The following RBFOX1 variants were observed in gnomAD, a reference collection of about 807,000 sequenced individuals.
The protein encoded by RBFOX1 is RNA binding fox-1 homolog 1, also known as RNA binding protein fox-1 homolog 1.
In RBFOX1, 8 loss-of-function variants were observed where a neutral mutation model predicts 57.7. That is an observed-to-expected ratio of 0.14 (90% confidence interval 0.08 to 0.25). The LOEUF is 0.25. Ranked by LOEUF, RBFOX1 falls within the 10% of genes least tolerant of loss-of-function variation. The pLI, the probability that RBFOX1 is intolerant of heterozygous loss-of-function variation, is 1.00. For missense variants in RBFOX1, 611 were observed against 548.5 expected (o/e 1.11, Z -1.14); for synonymous variants, 326 against 222.4 (o/e 1.47, Z -4.15).
chr16:7,694,103 A>G (rs2347418), intron 14 of RBFOX1, among the ~76,000 whole-genome samples: 148,776 of 152,306 alleles, frequency 0.98, 72,768 homozygotes, highest in East Asian at 1. Flanking sequence ...AGATAGGTGA[A>G]TGCCTTAACA....
intron 3 of RBFOX1, among the ~76,000 whole-genome samples, chr16:6,690,053 G>A (rs892748530): frequency 3.3e-5 from 5 of 152,036 alleles, no homozygotes; most frequent in African/African-American, 9.7e-5. Flanking sequence ...AAGAATCCTT[G>A]CTTTATTTAT....
At chr16:6,998,151 A>G (rs947657944) in intron 3 of RBFOX1, among the ~76,000 whole-genome samples, 14 of 152,252 alleles carry the variant, frequency 9.2e-5, no homozygotes, top group Middle Eastern at 6.8e-3. Flanking sequence ...TTATTTACTT[A>G]TTGAGTGTAA....
chr16:6,925,227 G>A lies in RBFOX1; in HGVS notation c.-15-126830G>A, dbSNP rs572215346. ...CAGCTCACTGAAGCCTCTGCCTCCC[G>A]GGCTCAAGCAATTGTCGTACCTCAG... On this transcript the variant is annotated intron_variant, in intron 3 of 15. Transcript: ENST00000550418. Among the ~76,000 whole-genome samples, 8 of 134,068 alleles carry A rather than the reference G, an allele frequency of 6.0e-5. No homozygotes were observed. The East Asian group carries it at 7.1e-4, about 12-fold the overall frequency. 88.0% of individuals were successfully genotyped at this position (134,068 alleles called of 152,430 possible). A position where few individuals can be genotyped will look rare whatever the true frequency, so the allele number is the denominator to read the frequency against.
intron 4 of RBFOX1, among the ~76,000 whole-genome samples, chr16:7,113,736 C>G (rs1168403559): frequency 1.3e-5 from 2 of 152,062 alleles, no homozygotes; most frequent in Admixed American, 1.3e-4. Context: ...GCATAATGTC[C>G]TATGTTATAG....
intron 13 of RBFOX1, among the ~76,000 whole-genome samples, chr16:7,671,834 T>G (rs537258527): frequency 1.3e-5 from 2 of 152,356 alleles, no homozygotes; most frequent in African/African-American, 4.8e-5. Context: ...ATGGGTGCTG[T>G]TTCCATGACT....
rs139815231 is a variant in RBFOX1, at chr16:5,528,850, A to T, written c.258+61596A>T. Among the ~76,000 whole-genome samples the T allele has an allele frequency of 3.8e-3, 573 of 152,162 alleles. 1 individual carries two copies. Among genetic ancestry groups the T allele is most frequent in the African/African-American group, 0.013 (544 of 41,494 alleles). On this transcript the variant is annotated intron_variant, in intron 2 of 2. Transcript: ENST00000585867. ...TTTTTAGTAAAGGTGAGGTTTCACC[A>T]TGTTGGTTAAGCTGGTCTTGAACTC...
chr16:6,175,285 AG>A (rs2096995880), intron 1 of RBFOX1, among the ~76,000 whole-genome samples: 1 of 152,218 alleles, frequency 6.6e-6, no homozygotes. Flanking sequence ...ATACGTCCCT[AG>A]GAACACATTG....
intron 4 of RBFOX1, among the ~76,000 whole-genome samples, chr16:7,138,977 T>C (rs2072833741): frequency 1.3e-5 from 2 of 152,122 alleles, no homozygotes; most frequent in African/African-American, 4.8e-5. Context: ...TTAATTTTTA[T>C]ATTTTTAGTA....
chr16:6,848,434 T>G (rs2093884281), intron 3 of RBFOX1, among the ~76,000 whole-genome samples: 1 of 152,210 alleles, frequency 6.6e-6, no homozygotes, highest in African/African-American at 2.4e-5. Flanking sequence ...ACACTTCTGT[T>G]GACCACACAT....
chr16:6,392,613 G>A (rs573419455), intron 2 of RBFOX1, among the ~76,000 whole-genome samples: 32 of 152,212 alleles, frequency 2.1e-4, no homozygotes, highest in African/African-American at 5.1e-4. Flanking sequence ...GCTCTCCTCC[G>A]CACACTGAGG....
intron 3 of RBFOX1, among the ~76,000 whole-genome samples, chr16:6,990,737 C>T (rs1047237732): frequency 6.6e-6 from 1 of 152,144 alleles, no homozygotes; most frequent in Non-Finnish European, 1.5e-5. Flanking sequence ...CTTAAGCTTA[C>T]TGGTCTTCCA....
At chr16:6,499,739 C>T (rs1238323977) in intron 2 of RBFOX1, among the ~76,000 whole-genome samples, 1 of 152,016 alleles carries the variant, frequency 6.6e-6, no homozygotes, top group South Asian at 2.1e-4. Flanking sequence ...TCTCGTAGGG[C>T]AAACTATAAT....
At chr16:7,515,022 C>G (rs1006928236) in intron 4 of RBFOX1, among the ~76,000 whole-genome samples, 1 of 152,096 alleles carries the variant, frequency 6.6e-6, no homozygotes, top group Non-Finnish European at 1.5e-5. Context: ...ACAAGTCTAC[C>G]TTTCACTTCA....
intron 3 of RBFOX1, among the ~76,000 whole-genome samples, chr16:6,915,071 G>C (rs2072773003): frequency 6.6e-6 from 1 of 152,202 alleles, no homozygotes; most frequent in African/African-American, 2.4e-5. Context: ...TTCCTCAGTT[G>C]ACTAATGTGT....
At chr16:6,604,410 T>G (rs9933600) in intron 2 of RBFOX1, among the ~76,000 whole-genome samples, 27 of 151,864 alleles carry the variant, frequency 1.8e-4, no homozygotes, top group African/African-American at 5.6e-4. Flanking sequence ...GTCTTGCATT[T>G]AAGTGATCTT....
At chr16:6,226,116 T>G (rs1320283617) in intron 1 of RBFOX1, among the ~76,000 whole-genome samples, 1 of 151,472 alleles carries the variant, frequency 6.6e-6, no homozygotes, top group Non-Finnish European at 1.5e-5. Context: ...TCCCAGCACT[T>G]TGGGAGGCCG....
At chr16:6,024,460 T>A (rs557860205) in intron 1 of RBFOX1, among the ~76,000 whole-genome samples, 4 of 152,148 alleles carry the variant, frequency 2.6e-5, no homozygotes, top group African/African-American at 9.7e-5. Context: ...TATGGATCCA[T>A]ACATTTATCC....
chr16:7,196,528 C>T (rs1054930059), intron 4 of RBFOX1, among the ~76,000 whole-genome samples: 1 of 152,198 alleles, frequency 6.6e-6, no homozygotes, highest in East Asian at 1.9e-4. Context: ...TTAGTGCAAC[C>T]GGCTCTTTAA....
intron 3 of RBFOX1, among the ~76,000 whole-genome samples, chr16:7,024,199 C>G (rs1318656264): frequency 6.6e-6 from 1 of 152,078 alleles, no homozygotes. Flanking sequence ...GAAGCATTTA[C>G]AAATTGCACC....
Sources: gnomAD v4.1 joint callset for allele counts (sites outside exome capture counted in the v4.1 genomes callset) on GRCh38, gnomAD v4.1.1 for gene constraint, MANE v1.5 for transcripts, NCBI Gene and HGNC (gene_info 2026-07-23, HGNC 2026-07-21) for gene names.